FGF9: variants seen among roughly 807,000 people sequenced by gnomAD.
FGF9 encodes fibroblast growth factor 9, also known as fibroblast growth factor 9 (glia-activating factor).
FGF9 carries 3 observed loss-of-function variants against 19.9 expected under a neutral mutation model. The observed-to-expected ratio is 0.15, with a 90% confidence interval of 0.07 to 0.39. The LOEUF (loss-of-function observed/expected upper bound fraction) is 0.39, where lower values mean the gene tolerates loss of function less well. Ranked by LOEUF, FGF9 falls within the 10% of genes least tolerant of loss-of-function variation. FGF9 has a pLI of 1.00. For synonymous variants in FGF9, 107 were observed against 106.9 expected, an observed-to-expected ratio of 1.00 and a Z score of -0.01; for missense variants, 175 against 256.8, an observed-to-expected ratio of 0.68 and a Z score of 2.18.
chr13:21,673,248 T>C (rs574734875), intron 1 of FGF9, among the ~76,000 whole-genome samples: 1 of 152,290 alleles, frequency 6.6e-6, no homozygotes, highest in South Asian at 2.1e-4. Flanking sequence ...AACTAGGTCG[T>C]AAAAAACAAA....
At position 21,676,645 on chromosome 13, in the gene FGF9, C is replaced by G. The variant is rs17070103; in HGVS notation, c.278-4397C>G. Among the ~76,000 whole-genome samples the G allele has an allele frequency of 1.0e-3, 153 of 152,362 alleles. No homozygotes were observed. In the East Asian group the frequency reaches 0.01, roughly 10 times the overall value. On this transcript the variant is annotated intron_variant, in intron 1 of 2. Coordinates refer to ENST00000382353, the MANE Select transcript of FGF9 (RefSeq NM_002010.3). ...CGAGCTTCTCTGGGTGAGCAGGAAG[C>G]TCTGCAGGGAAGAGGCTTAATCATT...
chr13:21,673,343 G>A (rs1015003446), intron 1 of FGF9, among the ~76,000 whole-genome samples: 2 of 152,044 alleles, frequency 1.3e-5, no homozygotes, highest in Non-Finnish European at 2.9e-5. Flanking sequence ...GTGCGGCTGC[G>A]GATGATGCCA....
intron 1 of FGF9, among the ~76,000 whole-genome samples, chr13:21,677,484 G>A (rs953496093): frequency 6.6e-6 from 1 of 152,208 alleles, no homozygotes; most frequent in African/African-American, 2.4e-5. Flanking sequence ...TGTACTCAGG[G>A]AGTGTAGTTG....
chr13:21,693,500 C>A (rs1054249670), intron 2 of FGF9, among the ~76,000 whole-genome samples: 10 of 152,158 alleles, frequency 6.6e-5, no homozygotes, highest in Admixed American at 5.9e-4. Context: ...GGTGCGTTTT[C>A]TCTGCCTTGT....
chr13:21,701,437 A>G lies in FGF9; in HGVS notation c.*2A>G, dbSNP rs1245711507. 1.2e-6 allele frequency: 2 copies of G among 1,613,968 alleles called. No homozygotes were observed. The highest frequency in any genetic ancestry group is 1.7e-6 in the Non-Finnish European group (2 of 1,179,994). ...AAGGATATTCTAAGCCAAAGTTGAC[A>G]AAGACAGTTTCTTCACTTGAGCCCT... On this transcript the variant is annotated 3_prime_UTR_variant, in exon 3 of 3. Transcript: ENST00000382353.
intron 2 of FGF9, among the ~76,000 whole-genome samples, chr13:21,685,362 T>G (rs1872134839): frequency 6.6e-6 from 1 of 152,250 alleles, no homozygotes; most frequent in Admixed American, 6.5e-5. Flanking sequence ...AGTTTTTGTT[T>G]GCTTGTTTTT....
intron 1 of FGF9, among the ~76,000 whole-genome samples, chr13:21,675,143 G>C (rs1186782638): frequency 6.6e-6 from 1 of 151,956 alleles, no homozygotes. Flanking sequence ...TCGGCCTGGC[G>C]TCGGCCGAGG....
At chr13:21,679,956 CA>C (rs551705351) in intron 1 of FGF9, among the ~76,000 whole-genome samples, 1,163 of 56,736 alleles carry the variant, frequency 0.02, 5 homozygotes, top group African/African-American at 0.04. Flanking sequence ...GACTCCATCT[CA>C]AAAAAAAAAA....
intron 2 of FGF9, among the ~76,000 whole-genome samples, chr13:21,683,397 C>T (rs866741761): frequency 6.6e-6 from 1 of 152,230 alleles, no homozygotes; most frequent in Admixed American, 6.5e-5. Context: ...CTGTGGGACA[C>T]GGCAGCCAGG....
At chr13:21,673,836 G>T (rs1486126174) in intron 1 of FGF9, among the ~76,000 whole-genome samples, 2 of 150,892 alleles carry the variant, frequency 1.3e-5, no homozygotes, top group African/African-American at 2.4e-5. Flanking sequence ...CCGCGCTCGC[G>T]GTCGGCAGGT....
At chr13:21,685,824 A>C (rs1198901055) in intron 2 of FGF9, among the ~76,000 whole-genome samples, 1 of 152,194 alleles carries the variant, frequency 6.6e-6, no homozygotes, top group African/African-American at 2.4e-5. Context: ...AGGGATAAAT[A>C]GGAGCCTCAG....
At chr13:21,686,727 C>T (rs1872167409) in intron 2 of FGF9, among the ~76,000 whole-genome samples, 2 of 152,192 alleles carry the variant, frequency 1.3e-5, no homozygotes, top group Non-Finnish European at 2.9e-5. Context: ...GCAGTTGGCA[C>T]ATGGTAAATG....
At chr13:21,680,999 C>G in intron 1 of FGF9, 43 bp from the exon 2 acceptor site, 1 of 1,447,662 alleles carries the variant, frequency 6.9e-7, no homozygotes, top group Non-Finnish European at 9.7e-7. Flanking sequence ...AGGACATGCT[C>G]TGTGATCTGA....
At position 21,704,076 on chromosome 13, in the gene FGF9, A is replaced by T. The variant is rs1441096079; in HGVS notation, c.*2641A>T. On this transcript the variant is annotated 3_prime_UTR_variant, in exon 3 of 3. Coordinates refer to ENST00000382353, the MANE Select transcript of FGF9 (RefSeq NM_002010.3). ...CAGTAGAGTGAGTCATCCCCAGCTC[A>T]TGGGTTTGCATCCAGTTCTTGTCTT... 6.6e-6 allele frequency: 1 copy of T among 152,126 alleles called. No homozygotes were observed. The highest frequency in any genetic ancestry group is 1.5e-5 in the Non-Finnish European group (1 of 68,012). The allele number at this position is 152,126 out of a possible 1,614,324, so 9.4% of individuals were successfully genotyped here.
Position 21,698,893 on chromosome 13 carries a change from TA to T in FGF9, c.382-2290del, listed in dbSNP as rs559854352. On this transcript the variant is annotated intron_variant, in intron 2 of 2. Transcript: ENST00000382353. Reference sequence around the variant, plus strand: ...ATCTTTTGGTCTGTTTTATTAATGATAAAAAAATGCACATATTTGTTTAGAA... The same window carrying T: ...ATCTTTTGGTCTGTTTTATTAATGATAAAAAATGCACATATTTGTTTAGAA... Among the ~76,000 whole-genome samples the T allele has an allele frequency of 1.2e-3, 181 of 152,292 alleles. 1 individual carries two copies. The highest frequency in any genetic ancestry group is 4.1e-3 in the African/African-American group (171 of 41,558).
chr13:21,696,258 A>G (rs1872408176), intron 2 of FGF9, among the ~76,000 whole-genome samples: 1 of 152,314 alleles, frequency 6.6e-6, no homozygotes, highest in African/African-American at 2.4e-5. Context: ...TGAAGTTTTA[A>G]TTTCAGTTTT....
At chr13:21,695,347 C>G (rs182527441) in intron 2 of FGF9, among the ~76,000 whole-genome samples, 2 of 152,094 alleles carry the variant, frequency 1.3e-5, no homozygotes, top group African/African-American at 2.4e-5. Flanking sequence ...ACAACTGATT[C>G]AATTGTTCCC....
chr13:21,673,670 G>A (rs1310804847), intron 1 of FGF9, among the ~76,000 whole-genome samples: 3 of 152,026 alleles, frequency 2.0e-5, no homozygotes, highest in Non-Finnish European at 4.4e-5. Context: ...CCTAGCGTTC[G>A]ATACCAGAAC....
In FGF9 at chr13:21,704,362, G is replaced by T. The variant is rs955904228; in HGVS notation, c.*2927G>T. 4 of 152,190 alleles carry T rather than the reference G, an allele frequency of 2.6e-5. No individual in the cohort carries two copies. The highest frequency in any genetic ancestry group is 9.7e-5 in the African/African-American group (4 of 41,446). The allele number at this position is 152,190 out of a possible 1,614,324, so 9.4% of individuals were successfully genotyped here. On this transcript the variant is annotated 3_prime_UTR_variant, in exon 3 of 3. Coordinates refer to ENST00000382353, the MANE Select transcript of FGF9 (RefSeq NM_002010.3). ...CTGTTTTGTAGATAAACAAATGGCT[G>T]CCTTCTGGTGTTTTTATTCTATTTC...
Sources: allele counts gnomAD v4.1 joint callset (sites outside exome capture counted in the v4.1 genomes callset), GRCh38; gene constraint gnomAD v4.1.1; transcripts MANE v1.5; gene names NCBI Gene and HGNC (gene_info 2026-07-23, HGNC 2026-07-21).